HECW1: variants seen among roughly 807,000 people sequenced by gnomAD.
HECW1 encodes the protein E3 ubiquitin-protein ligase HECW1.
Under a neutral mutation model 182.3 loss-of-function variants are expected in HECW1, and 61 were observed. The observed-to-expected ratio is 0.33, with a 90% CI of 0.27 to 0.41. The LOEUF (loss-of-function observed/expected upper bound fraction) is 0.41. Among genes scored for constraint, HECW1 ranks in the 10% least tolerant of loss-of-function variants. The pLI, the probability that HECW1 is intolerant of heterozygous loss-of-function variation, is 1.00. For synonymous variants in HECW1, 859 were observed against 832.6 expected (o/e 1.03, Z -0.55); for missense variants, 1,739 against 2,108.9 (o/e 0.82, Z 3.44).
chr7:43,403,656 C>G (rs1486750788), intron 7 of HECW1, among the ~76,000 whole-genome samples: 1 of 152,110 alleles, frequency 6.6e-6, no homozygotes, highest in Non-Finnish European at 1.5e-5. Context: ...CAGGCTCTCA[C>G]ATATAATGGG....
intron 3 of HECW1, among the ~76,000 whole-genome samples, chr7:43,289,135 G>A (rs1348381273): frequency 1.4e-5 from 2 of 144,482 alleles, no homozygotes; most frequent in South Asian, 2.2e-4. Flanking sequence ...ACAGAGTATC[G>A]ATCACTCTGT....
At chr7:43,261,186 TGATAA>T (rs1801130648) in intron 3 of HECW1, among the ~76,000 whole-genome samples, 1 of 152,172 alleles carries the variant, frequency 6.6e-6, no homozygotes, top group Non-Finnish European at 1.5e-5. Context: ...GACCTGGAAC[TGATAA>T]GAGAAGTTAT....
intron 3 of HECW1, among the ~76,000 whole-genome samples, chr7:43,265,525 C>T (rs1192366467): frequency 6.6e-6 from 1 of 152,198 alleles, no homozygotes; most frequent in African/African-American, 2.4e-5. Flanking sequence ...TCTTGACCTA[C>T]AAAAATGGCA....
chr7:43,341,669 G>A (rs1813018009), intron 5 of HECW1, among the ~76,000 whole-genome samples: 1 of 151,642 alleles, frequency 6.6e-6, no homozygotes, highest in Non-Finnish European at 1.5e-5. Flanking sequence ...AAACATTTAT[G>A]ACTTTTCCAG....
chr7:43,417,736 T>G (rs1313589436), intron 8 of HECW1, among the ~76,000 whole-genome samples: 1 of 152,170 alleles, frequency 6.6e-6, no homozygotes, highest in African/African-American at 2.4e-5. Context: ...TGTTATGGTC[T>G]CCATAGTTTC....
At chr7:43,263,445 C>T (rs1801405298) in intron 3 of HECW1, among the ~76,000 whole-genome samples, 1 of 152,176 alleles carries the variant, frequency 6.6e-6, no homozygotes, top group South Asian at 2.1e-4. Flanking sequence ...ACTACAACCT[C>T]CGCCTCCCAG....
Position 43,488,444 on chromosome 7 carries a change from G to GAA in HECW1, c.3235-3629_3235-3628dup, listed in dbSNP as rs1469257314. Among the ~76,000 whole-genome samples the GAA allele has an allele frequency of 2.5e-3, 331 of 130,330 alleles. 3 individuals carry two copies. The highest frequency in any genetic ancestry group is 9.1e-3 in the African/African-American group (302 of 33,278). The allele number at this position is 130,330 out of a possible 152,430, so 85.5% of individuals were successfully genotyped here. A position where few individuals can be genotyped will look rare whatever the true frequency, so the allele number is the denominator to read the frequency against. ...AGAGAAAGAAAGAAAGAGAAAGAAA[G>GAA]AAAGAAAGAAAGAAAGAAAGAAAGA... On this transcript the variant is annotated intron_variant, in intron 17 of 29. Transcript: ENST00000395891.
chr7:43,175,539 G>A (rs911235755), intron 2 of HECW1, among the ~76,000 whole-genome samples: 15 of 152,260 alleles, frequency 9.9e-5, no homozygotes, highest in Non-Finnish European at 1.8e-4. Context: ...AGTGCTGACC[G>A]AGTTAGGAGT....
intron 2 of HECW1, among the ~76,000 whole-genome samples, chr7:43,127,328 A>G (rs750979182): frequency 5.3e-5 from 8 of 152,136 alleles, no homozygotes; most frequent in Non-Finnish European, 1.2e-4. Flanking sequence ...GTTTGAGGCC[A>G]GCCTGACCAA....
At chr7:43,522,695 G>A (rs1381594684) in intron 24 of HECW1, among the ~76,000 whole-genome samples, 1 of 152,142 alleles carries the variant, frequency 6.6e-6, no homozygotes, top group Non-Finnish European at 1.5e-5. Flanking sequence ...CCACTGGTGG[G>A]GATGCCAGGG....
intron 5 of HECW1, among the ~76,000 whole-genome samples, chr7:43,345,240 T>TTAGG (rs1340370905): frequency 6.6e-6 from 1 of 152,092 alleles, no homozygotes; most frequent in Admixed American, 6.5e-5. Context: ...CAAGTTAACA[T>TTAGG]TAGGGTAGAG....
At chr7:43,391,063 G>C (rs2075010141) in intron 6 of HECW1, among the ~76,000 whole-genome samples, 2 of 152,114 alleles carry the variant, frequency 1.3e-5, no homozygotes, top group African/African-American at 4.8e-5. Context: ...AATTTGGCAG[G>C]AGACAAGATA....
intron 2 of HECW1, among the ~76,000 whole-genome samples, chr7:43,200,498 C>A (rs543806020): frequency 2.0e-5 from 3 of 152,216 alleles, no homozygotes; most frequent in African/African-American, 7.2e-5. Flanking sequence ...TGTTGGGTAA[C>A]CCTACCTTCC....
At chr7:43,187,042 A>G (rs73099645) in intron 2 of HECW1, among the ~76,000 whole-genome samples, 4,227 of 152,108 alleles carry the variant, frequency 0.028, 87 homozygotes, top group Middle Eastern at 0.058. Context: ...TCAGTCTCTC[A>G]TGAGGTTGCA....
At chr7:43,485,454 A>G (rs1000559773) in intron 17 of HECW1, among the ~76,000 whole-genome samples, 6 of 152,336 alleles carry the variant, frequency 3.9e-5, no homozygotes, top group African/African-American at 1.4e-4. Flanking sequence ...AACAGCAGGG[A>G]TACATTCTGA....
chr7:43,311,870 C>A lies in HECW1; in HGVS notation c.135C>A (p.Pro45=). 1 of 1,614,208 alleles carries A rather than the reference C, an allele frequency of 6.2e-7. No individual in the cohort carries two copies. The highest frequency in any genetic ancestry group is 1.1e-5 in the South Asian group (1 of 91,084). The part of the protein sequence containing the change: ...CKEPLRYSYN[P]DQFHNMDLRG... ...AGCCGCTCCGATACAGCTACAACCC[C>A]GACCAGTTCCACAACATGGACCTCA... The change falls in exon 4 of 30, where the codon CCC becomes CCA. Residue 45 remains proline, a synonymous_variant. Transcript: ENST00000395891.
chr7:43,137,025 C>T (rs1034054766), intron 2 of HECW1, among the ~76,000 whole-genome samples: 2 of 152,166 alleles, frequency 1.3e-5, no homozygotes, highest in African/African-American at 2.4e-5. Context: ...AGCAACTAGA[C>T]CCACCATCCA....
intron 6 of HECW1, among the ~76,000 whole-genome samples, chr7:43,396,137 A>G (rs192096764): frequency 1.5e-4 from 23 of 152,354 alleles, no homozygotes; most frequent in African/African-American, 5.5e-4. Flanking sequence ...CCTAGAAGAG[A>G]ATGGAAGCAA....
intron 2 of HECW1, among the ~76,000 whole-genome samples, chr7:43,141,295 A>G (rs1788125105): frequency 6.6e-6 from 1 of 152,130 alleles, no homozygotes; most frequent in South Asian, 2.1e-4. Flanking sequence ...CGGCCCTGGA[A>G]TCTCACCGAA....
Sources: allele counts gnomAD v4.1 joint callset (sites outside exome capture counted in the v4.1 genomes callset), GRCh38; gene constraint gnomAD v4.1.1; transcripts MANE v1.5; gene names NCBI Gene and HGNC (gene_info 2026-07-23, HGNC 2026-07-21).